The following STRBP variants were observed in gnomAD, a reference collection of about 807,000 sequenced individuals.
STRBP encodes the protein spermatid perinuclear RNA binding protein.
A neutral mutation model predicts 80.1 loss-of-function variants in STRBP; 13 were observed. The observed-to-expected ratio is 0.16, with a 90% CI of 0.11 to 0.26. The LOEUF (loss-of-function observed/expected upper bound fraction) is 0.26, where lower values mean the gene tolerates loss of function less well. STRBP is among the 10% of genes least tolerant of loss of function. STRBP has a pLI of 1.00. For synonymous variants in STRBP, 284 were observed against 291.2 expected (o/e 0.98, Z 0.25); for missense variants, 485 against 815.2 (o/e 0.59, Z 4.93).
At chr9:123,250,470 T>TG (rs1194839750) in intron 1 of STRBP, among the ~76,000 whole-genome samples, 5 of 152,192 alleles carry the variant, frequency 3.3e-5, no homozygotes, top group African/African-American at 9.7e-5. Context: ...AAGAGATCGT[T>TG]GGGGTCCTCG....
At chr9:123,228,211 G>T (rs2040298685) in intron 2 of STRBP, among the ~76,000 whole-genome samples, 1 of 152,090 alleles carries the variant, frequency 6.6e-6, no homozygotes, top group Non-Finnish European at 1.5e-5. Flanking sequence ...AAAGGAGTTG[G>T]GTTTTAGACA....
intron 3 of STRBP, among the ~76,000 whole-genome samples, chr9:123,182,549 T>C (rs1197442452): frequency 6.6e-6 from 1 of 152,202 alleles, no homozygotes; most frequent in Non-Finnish European, 1.5e-5. Context: ...AGAATCAGTG[T>C]GGTTTTTTCA....
chr9:123,153,820 CAA>C (rs1356753172), intron 11 of STRBP, among the ~76,000 whole-genome samples: 1 of 152,064 alleles, frequency 6.6e-6, no homozygotes, highest in Non-Finnish European at 1.5e-5. Flanking sequence ...TATTTGAAGA[CAA>C]GAGACTAAAT....
chr9:123,195,110 G>A (rs1165460092), intron 2 of STRBP, among the ~76,000 whole-genome samples: 1 of 152,050 alleles, frequency 6.6e-6, no homozygotes, highest in African/African-American at 2.4e-5. Flanking sequence ...TAAACCTAAT[G>A]CATCAAAAAC....
At chr9:123,119,042 T>C (rs1294424973), downstream of STRBP, among the ~76,000 whole-genome samples, 1 of 152,224 alleles carries the variant, frequency 6.6e-6, no homozygotes, top group African/African-American at 2.4e-5. Context: ...CTAAGACTAA[T>C]AGGCAGAAGG....
chr9:123,265,871 AT>A, intron 1 of STRBP, among the ~76,000 whole-genome samples: 1 of 152,354 alleles, frequency 6.6e-6, no homozygotes, highest in African/African-American at 2.4e-5. Context: ...CAGATCAGTT[AT>A]TCACGCCTTG....
chr9:123,111,363 C>A (rs1162211643), intron 3 of STRBP: 3 of 273,686 alleles, frequency 1.1e-5, no homozygotes, highest in Non-Finnish European at 1.5e-5. Context: ...AACTTCTCAC[C>A]ACCTCCCTAG....
At chr9:123,166,569 C>G (rs2037767325) in intron 6 of STRBP, among the ~76,000 whole-genome samples, 1 of 152,124 alleles carries the variant, frequency 6.6e-6, no homozygotes, top group South Asian at 2.1e-4. Flanking sequence ...GCCTGGGCAA[C>G]ATAGCAAAAC....
chr9:123,126,474 C>T lies in STRBP; in HGVS notation c.1943-801G>A, dbSNP rs75338505. On this transcript the variant is annotated intron_variant, in intron 18 of 18. Coordinates refer to ENST00000348403, the MANE Select transcript of STRBP (RefSeq NM_018387.5). This position sits in a 1 kb window ranked among gnomAD's most constrained non-coding sequence, Gnocchi z 4.4. Reference sequence around the variant, plus strand: ...GAAAAATGGGGGCATCAAATTTCACCAGCTTTGGAAGTCAGTTATATGGCA... The same window carrying T: ...GAAAAATGGGGGCATCAAATTTCACTAGCTTTGGAAGTCAGTTATATGGCA... 6.6e-6 allele frequency among the ~76,000 whole-genome samples: 1 copy of T among 151,950 alleles called. No individual in the cohort carries two copies. Among genetic ancestry groups the T allele is most frequent in the Admixed American group, 6.6e-5 (1 of 15,256 alleles).
intron 6 of STRBP, among the ~76,000 whole-genome samples, chr9:123,169,255 G>A (rs1004970110): frequency 6.7e-6 from 1 of 149,278 alleles, no homozygotes; most frequent in Non-Finnish European, 1.5e-5. Context: ...TGCAACCTCC[G>A]CTTCCTGGGT....
chr9:123,134,554 G>A (rs987560002), intron 16 of STRBP, among the ~76,000 whole-genome samples: 3 of 152,154 alleles, frequency 2.0e-5, no homozygotes, highest in Non-Finnish European at 2.9e-5. Flanking sequence ...TTGAACACAT[G>A]AGTTTTATAG....
At chr9:123,167,846 AGT>A (rs2037835330) in intron 6 of STRBP, among the ~76,000 whole-genome samples, 1 of 152,176 alleles carries the variant, frequency 6.6e-6, no homozygotes, top group Non-Finnish European at 1.5e-5. Flanking sequence ...TTCTAGCAAG[AGT>A]ACAATATACT....
At chr9:123,246,600 T>C (rs1472470389) in intron 1 of STRBP, among the ~76,000 whole-genome samples, 2 of 152,170 alleles carry the variant, frequency 1.3e-5, no homozygotes, top group South Asian at 2.1e-4. Context: ...AAAACAACAA[T>C]ACTATAACAT....
chr9:123,258,924 G>A (rs1012474328), intron 1 of STRBP, among the ~76,000 whole-genome samples: 1 of 152,128 alleles, frequency 6.6e-6, no homozygotes, highest in Non-Finnish European at 1.5e-5. Context: ...AGAAGGACTT[G>A]ATAGGACTTT....
chr9:123,160,961 G>A lies in STRBP; in HGVS notation c.627+16C>T, dbSNP rs2132398300. 1 of 1,575,156 alleles carries A rather than the reference G, an allele frequency of 6.3e-7. No homozygotes were observed. Among genetic ancestry groups the A allele is most frequent in the Non-Finnish European group, 8.6e-7 (1 of 1,168,632 alleles). On this transcript the variant is annotated intron_variant, in intron 7 of 18. Coordinates refer to ENST00000348403, the MANE Select transcript of STRBP (RefSeq NM_018387.5). ...GACAAACTTTAATAACAATAAGATA[G>A]TAAGAAAAAGCCAACCTGAAACCAT... is the stretch of plus-strand genomic sequence containing the variant.
intron 17 of STRBP, among the ~76,000 whole-genome samples, chr9:123,129,907 C>T (rs2036062670): frequency 6.6e-6 from 1 of 152,080 alleles, no homozygotes; most frequent in Non-Finnish European, 1.5e-5. Context: ...CAAGAGGACA[C>T]ATGTAGCTGA....
At position 123,139,598 on chromosome 9, in the gene STRBP, A is replaced by G. The variant is rs2132330515; in HGVS notation, c.1428T>C (p.Asn476=). ...TGCTTGAGTTTGAAGACACTGTTTCATTTTTACTTTCATTATCTGATTTTT... is the reference window on the plus strand; with the variant it reads ...TGCTTGAGTTTGAAGACACTGTTTCGTTTTTACTTTCATTATCTGATTTTT... ...SDEKSDNESK[N]ETVSSNSSNN... Residue 476 remains asparagine, a synonymous_variant, in exon 14 of 19, where the codon AAT becomes AAC. Coordinates refer to ENST00000348403, the MANE Select transcript of STRBP (RefSeq NM_018387.5). The G allele has an allele frequency of 1.2e-6, 2 of 1,613,080 alleles. No individual in the cohort carries two copies. Among genetic ancestry groups the G allele is most frequent in the Non-Finnish European group, 1.7e-6 (2 of 1,179,800 alleles).
chr9:123,192,350 A>T (rs555320413), intron 2 of STRBP, among the ~76,000 whole-genome samples: 1 of 152,362 alleles, frequency 6.6e-6, no homozygotes, highest in South Asian at 2.1e-4. Context: ...CTATACTCAA[A>T]GAAGGAATAA....
intron 13 of STRBP, 125 bp downstream of exon 13, chr9:123,146,728 CAA>C (rs1298309349): frequency 4.8e-6 from 4 of 829,364 alleles, no homozygotes; most frequent in Non-Finnish European, 5.1e-6. Flanking sequence ...CCAGAAGTAA[CAA>C]AAGTCTATAT....
Sources: allele counts gnomAD v4.1 joint callset (sites outside exome capture counted in the v4.1 genomes callset), GRCh38; gene constraint gnomAD v4.1.1; non-coding constraint Gnocchi (gnomAD v3.1); transcripts MANE v1.5; gene names NCBI Gene and HGNC (gene_info 2026-07-23, HGNC 2026-07-21).